The following CASP10 variants were observed in gnomAD, a reference collection of about 807,000 sequenced individuals.
CASP10 encodes the protein caspase 10.
CASP10 carries 41 observed loss-of-function variants against 48.5 expected under a neutral mutation model. The observed-to-expected ratio is 0.85, with a 90% CI of 0.66 to 1.10. The LOEUF (loss-of-function observed/expected upper bound fraction) is 1.10. Ranked by LOEUF, CASP10 falls within the 50% of genes least tolerant of loss-of-function variation. The pLI is 0.00. For synonymous variants in CASP10, 232 were observed against 238.4 expected, an observed-to-expected ratio of 0.97 and a Z score of 0.25; for missense variants, 614 against 614.5, an observed-to-expected ratio of 1.00 and a Z score of 0.01.
chr2:201,217,884 TTTTC>T lies in CASP10; in HGVS notation c.*147_*150del. 2 of 1,563,922 alleles carry T rather than the reference TTTTC, an allele frequency of 1.3e-6. No individual in the cohort carries two copies. The highest frequency in any genetic ancestry group is 1.2e-5 in the South Asian group (1 of 84,412). On this transcript the variant is annotated 3_prime_UTR_variant, in exon 10 of 10. Coordinates refer to ENST00000286186, the MANE Select transcript of CASP10 (RefSeq NM_032977.4). ...TGTTTTCTGACACAGTCAATTCTGA[TTTTC>T]TTTTTCTTTTGCAAGTCTAAATGTT...
chr2:201,229,117 A>G (rs1046106070), exon 10 of CASP10: 1 of 1,613,256 alleles, frequency 6.2e-7, no homozygotes, highest in Non-Finnish European at 8.5e-7. Flanking sequence ...CCTGCCTTCC[A>G]GCCACATCGC....
chr2:201,226,412 A>G (rs1945788742), downstream of CASP10, among the ~76,000 whole-genome samples: 1 of 152,214 alleles, frequency 6.6e-6, no homozygotes. Context: ...ATATTTATAA[A>G]TGTTGGAAAT....
At chr2:201,228,605 G>GA (rs1252966262) in intron 9 of CASP10, among the ~76,000 whole-genome samples, 1 of 152,148 alleles carries the variant, frequency 6.6e-6, no homozygotes. Flanking sequence ...TTACAGATCA[G>GA]AAAATCAAGG....
At chr2:201,190,060 A>G (rs1359321796) in intron 3 of CASP10, among the ~76,000 whole-genome samples, 1 of 152,112 alleles carries the variant, frequency 6.6e-6, no homozygotes, top group Non-Finnish European at 1.5e-5. Flanking sequence ...TTGGTTCCTA[A>G]GTCATTTTGA....
At position 201,185,910 on chromosome 2, in the gene CASP10, G is replaced by A. The variant is rs1396972470; in HGVS notation, c.133G>A (p.Gly45Arg). 5 of 1,614,144 alleles carry A rather than the reference G, an allele frequency of 3.1e-6. No homozygotes were observed. Among genetic ancestry groups the A allele is most frequent in the African/African-American group, 1.3e-5 (1 of 75,034 alleles). ...DVENLKFLCI[G>R]LVPNKKLEKS... is the part of the protein sequence containing the mutation. ...GGAGAACCTCAAGTTTCTCTGCATA[G>A]GATTGGTCCCCAACAAGAAGCTGGA... The change falls in exon 2 of 10, where the codon GGA becomes AGA. Residue 45 changes from glycine (G) to arginine (R), a missense_variant. Coordinates refer to ENST00000286186, the MANE Select transcript of CASP10 (RefSeq NM_032977.4).
intron 9 of CASP10, among the ~76,000 whole-genome samples, chr2:201,211,056 C>T (rs557297737): frequency 6.6e-6 from 1 of 152,124 alleles, no homozygotes; most frequent in South Asian, 2.1e-4. Flanking sequence ...TTAGTGTATC[C>T]ATCACCTCAT....
intron 5 of CASP10, among the ~76,000 whole-genome samples, chr2:201,201,416 C>T (rs1945013035): frequency 6.6e-6 from 1 of 152,142 alleles, no homozygotes. Context: ...CTAAATGTAA[C>T]TCTTCCCACC....
intron 5 of CASP10, among the ~76,000 whole-genome samples, chr2:201,201,067 T>C (rs1945001857): frequency 6.6e-6 from 1 of 152,098 alleles, no homozygotes; most frequent in Non-Finnish European, 1.5e-5. Flanking sequence ...TTTATTTATT[T>C]ATTTTTTTGA....
At chr2:201,187,551 G>GTTTTCA (rs1944456894) in intron 2 of CASP10, 155 bp from the exon 3 acceptor site, 1 of 704,172 alleles carries the variant, frequency 1.4e-6, no homozygotes, top group African/African-American at 1.8e-5. Context: ...GAAACTGAAA[G>GTTTTCA]TTTTCATTTT....
At chr2:201,225,224 G>A (rs1162358599), downstream of CASP10, among the ~76,000 whole-genome samples, 1 of 152,098 alleles carries the variant, frequency 6.6e-6, no homozygotes. Context: ...TCTTCATTCA[G>A]CTTAGAGTCC....
chr2:201,183,471 G>A (rs916176916), intron 1 of CASP10, among the ~76,000 whole-genome samples, 163 bp downstream of exon 1: 2 of 152,062 alleles, frequency 1.3e-5, no homozygotes, highest in African/African-American at 2.4e-5. Context: ...TAAAAAATCC[G>A]GAAGCCTCCA....
At chr2:201,186,649 G>A (rs566653307) in intron 2 of CASP10, among the ~76,000 whole-genome samples, 3 of 152,314 alleles carry the variant, frequency 2.0e-5, no homozygotes, top group East Asian at 3.9e-4. Flanking sequence ...TTTGCCCAAA[G>A]AGGTAAAATT....
rs1292767693 is a variant in CASP10, at chr2:201,229,190, C to G, written c.*107C>G. 23 of 1,377,194 alleles carry G rather than the reference C, an allele frequency of 1.7e-5. No homozygotes were observed. In the East Asian group the frequency reaches 4.8e-4, roughly 29 times the overall value. 85.3% of individuals were successfully genotyped at this position (1,377,194 alleles called of 1,614,324 possible). ...CCCTTTACAGCACCACCTTGCGATT[C>G]TGCAGCCACAAAGTTGAGACTTCTG... On this transcript the variant is annotated 3_prime_UTR_variant, in exon 10 of 10. Transcript: ENST00000272879.
chr2:201,204,400 G>A (rs1945131870), intron 6 of CASP10, among the ~76,000 whole-genome samples: 1 of 152,006 alleles, frequency 6.6e-6, no homozygotes, highest in Non-Finnish European at 1.5e-5. Flanking sequence ...ACACAGCTTT[G>A]CTAGCAATTT....
At chr2:201,223,204 G>A (rs977388658), downstream of CASP10, among the ~76,000 whole-genome samples, 2 of 152,156 alleles carry the variant, frequency 1.3e-5, no homozygotes, top group Non-Finnish European at 2.9e-5. Flanking sequence ...TTAATGTAGT[G>A]TGGATGGGCG....
chr2:201,189,368 A>G (rs1464678066), intron 3 of CASP10, among the ~76,000 whole-genome samples: 1 of 150,490 alleles, frequency 6.6e-6, no homozygotes. Context: ...TCCCAGGTTC[A>G]GGTGATTCTC....
At chr2:201,196,000 A>C in intron 5 of CASP10, 52 bp downstream of exon 5, 1 of 1,226,704 alleles carries the variant, frequency 8.2e-7, no homozygotes, top group Non-Finnish European at 1.2e-6. Context: ...CCACCCTCCA[A>C]CCTCCCCTCC....
chr2:201,186,073 A>C lies in CASP10; in HGVS notation c.296A>C (p.Lys99Thr), dbSNP rs925956116. 6.2e-7 allele frequency: 1 copy of C among 1,612,356 alleles called. No homozygotes were observed. The highest frequency in any genetic ancestry group is 1.3e-5 in the African/African-American group (1 of 74,858). The part of the protein sequence containing the change: ...KKLLQHLNCT[K>T]EEVERLLPTR... Reference sequence around the variant, plus strand: ...CTGCTGCAGCACCTCAACTGTACCAAAGAGGAAGTGGAGCGACTGCTGCCC... The same window carrying C: ...CTGCTGCAGCACCTCAACTGTACCACAGAGGAAGTGGAGCGACTGCTGCCC... Residue 99 changes from lysine to threonine, a missense_variant, in exon 2 of 10, where the codon AAA (lysine) becomes ACA (threonine). Physicochemically the swap from Lys to Thr is moderately conservative, Grantham distance 78. Coordinates refer to ENST00000286186, the MANE Select transcript of CASP10 (RefSeq NM_032977.4).
In CASP10 at chr2:201,209,319, A is replaced by G; in HGVS notation, c.1172A>G (p.Glu391Gly). 3 of 1,614,186 alleles carry G rather than the reference A, an allele frequency of 1.9e-6. No individual in the cohort carries two copies. The highest frequency in any genetic ancestry group is 2.5e-6 in the Non-Finnish European group (3 of 1,180,044). The stretch of plus-strand genomic sequence containing the variant: ...GCCCTGCAGTGCCCTAGACTGGCTG[A>G]AAAACCTAAACTCTTTTTCATCCAG... ...FTALQCPRLA[E>G]KPKLFFIQAC... is the part of the protein sequence containing the mutation. The change falls in exon 9 of 10, where the codon GAA (glutamate) becomes GGA (glycine). Residue 391 changes from glutamate to glycine, a missense_variant. Transcript: ENST00000286186.
Sources: allele counts gnomAD v4.1 joint callset (sites outside exome capture counted in the v4.1 genomes callset), GRCh38; gene constraint gnomAD v4.1.1; transcripts MANE v1.5; gene names NCBI Gene and HGNC (gene_info 2026-07-23, HGNC 2026-07-21).